The following SORCS2 variants were observed in gnomAD, a reference collection of about 807,000 sequenced individuals.
The protein encoded by SORCS2 is sortilin related VPS10 domain containing receptor 2.
In SORCS2, 100 loss-of-function variants were observed where a neutral mutation model predicts 141.6. The observed-to-expected ratio is 0.71, with a 90% CI of 0.60 to 0.83. The LOEUF (loss-of-function observed/expected upper bound fraction) is 0.83. SORCS2 is among the 40% of genes least tolerant of loss of function. The pLI is 0.00. For synonymous variants in SORCS2, 789 were observed against 676.9 expected (o/e 1.17, Z -2.57); for missense variants, 1,646 against 1,560.2 (o/e 1.05, Z -0.93).
At chr4:7,644,823 T>C (rs1233852702) in intron 4 of SORCS2, among the ~76,000 whole-genome samples, 1 of 152,252 alleles carries the variant, frequency 6.6e-6, no homozygotes, top group African/African-American at 2.4e-5. Flanking sequence ...TTCTGAGATG[T>C]TGAGTGATGA....
At chr4:7,337,708 T>C (rs28700939) in intron 1 of SORCS2, among the ~76,000 whole-genome samples, 113,932 of 152,142 alleles carry the variant, frequency 0.75, 43,712 homozygotes, top group African/African-American at 0.92. Flanking sequence ...CAGAGTCTAA[T>C]GGAAGACAAG....
At chr4:7,322,476 A>G (rs1718959743) in intron 1 of SORCS2, among the ~76,000 whole-genome samples, 1 of 152,186 alleles carries the variant, frequency 6.6e-6, no homozygotes, top group Non-Finnish European at 1.5e-5. Flanking sequence ...CGGGAAGGCC[A>G]GAGTTGGCCT....
At chr4:7,601,060 A>G (rs1439997795) in intron 3 of SORCS2, among the ~76,000 whole-genome samples, 2 of 152,074 alleles carry the variant, frequency 1.3e-5, no homozygotes, top group Non-Finnish European at 2.9e-5. Context: ...TAATTTTTGT[A>G]TTTTTAGCAG....
At chr4:7,373,476 A>ATTT (rs1422390326) in intron 1 of SORCS2, among the ~76,000 whole-genome samples, 82 of 44,560 alleles carry the variant, frequency 1.8e-3, no homozygotes, top group Middle Eastern at 0.019. Context: ...ATATATATAT[A>ATTT]TATTTTTTTT....
intron 1 of SORCS2, among the ~76,000 whole-genome samples, chr4:7,241,856 G>A (rs958448637): frequency 1.6e-4 from 24 of 152,320 alleles, no homozygotes; most frequent in African/African-American, 5.5e-4. Flanking sequence ...TGGCCTTGCT[G>A]GGCGCTGGGA....
chr4:7,420,784 C>G (rs151306496), intron 2 of SORCS2, among the ~76,000 whole-genome samples: 39 of 152,332 alleles, frequency 2.6e-4, no homozygotes, highest in Middle Eastern at 3.4e-3. Context: ...TAGACCTTAT[C>G]CACCATGCCC....
Position 7,544,077 on chromosome 4 carries a change from C to T in SORCS2, c.648+12448C>T, listed in dbSNP as rs191783701. ...CCACCCACCCATCCATCCACCCATC[C>T]ATCCATCCATCCACCCATGCATGCA... On this transcript the variant is annotated intron_variant, in intron 3 of 26. Coordinates refer to ENST00000507866, the MANE Select transcript of SORCS2 (RefSeq NM_020777.3). 5.3e-3 allele frequency among the ~76,000 whole-genome samples: 804 copies of T among 150,878 alleles called. 8 individuals carry two copies. The highest frequency in any genetic ancestry group is 0.038 in the Middle Eastern group (11 of 286).
intron 3 of SORCS2, among the ~76,000 whole-genome samples, chr4:7,636,604 G>A (rs545372061): frequency 1.8e-4 from 27 of 151,952 alleles, no homozygotes; most frequent in Non-Finnish European, 2.9e-4. Context: ...GTAGAGATGC[G>A]ATGTCCCGAA....
intron 2 of SORCS2, among the ~76,000 whole-genome samples, chr4:7,462,550 C>G (rs987005942): frequency 6.6e-6 from 1 of 152,064 alleles, no homozygotes; most frequent in Admixed American, 6.6e-5. Context: ...TTCCTCCCCT[C>G]CTGGTGCACC....
At chr4:7,373,049 A>T in intron 1 of SORCS2, among the ~76,000 whole-genome samples, 1 of 144,166 alleles carries the variant, frequency 6.9e-6, no homozygotes, top group African/African-American at 2.6e-5. Flanking sequence ...AGTGCTCTGA[A>T]TGTTTGTGTG....
rs376507107 is a variant in SORCS2 at position 7,667,219 on chromosome 4, G to A, written c.1161+6G>A. 1 of 1,613,286 alleles carries A rather than the reference G, an allele frequency of 6.2e-7. No individual in the cohort carries two copies. Among genetic ancestry groups the A allele is most frequent in the Admixed American group, 1.7e-5 (1 of 60,020 alleles). On this transcript the variant is annotated splice_donor_region_variant and intron_variant, in intron 8 of 26. Coordinates refer to ENST00000507866, the MANE Select transcript of SORCS2 (RefSeq NM_020777.3). ...CGAAGTATGCATTGCCAAAGGTAAG[G>A]TGCTCCCCATTCCGCCTGGTCCTGT...
At chr4:7,602,018 A>G (rs1411373876) in intron 3 of SORCS2, among the ~76,000 whole-genome samples, 1 of 152,230 alleles carries the variant, frequency 6.6e-6, no homozygotes, top group Non-Finnish European at 1.5e-5. Flanking sequence ...ATCCCAAGGC[A>G]GAAGAATTTT....
chr4:7,598,899 G>C (rs1577815919), intron 3 of SORCS2, among the ~76,000 whole-genome samples: 1 of 152,182 alleles, frequency 6.6e-6, no homozygotes. Flanking sequence ...GCCGCAGCAC[G>C]AGGAGCCCTG....
intron 2 of SORCS2, among the ~76,000 whole-genome samples, chr4:7,527,158 A>C (rs192828224): frequency 6.6e-6 from 1 of 152,158 alleles, no homozygotes; most frequent in Admixed American, 6.5e-5. Flanking sequence ...TCACGTGGGG[A>C]CACTGCTCCC....
chr4:7,312,982 C>A (rs971829015), intron 1 of SORCS2, among the ~76,000 whole-genome samples: 12 of 152,242 alleles, frequency 7.9e-5, no homozygotes, highest in Non-Finnish European at 1.8e-4. Flanking sequence ...ACCTGCTGAT[C>A]TTCCAAGGCC....
intron 2 of SORCS2, among the ~76,000 whole-genome samples, chr4:7,471,091 G>T (rs1560311935): frequency 6.6e-6 from 1 of 152,190 alleles, no homozygotes; most frequent in African/African-American, 2.4e-5. Flanking sequence ...AACAGCTAGG[G>T]AAAGGCAAGG....
At chr4:7,342,571 G>A (rs982421079) in intron 1 of SORCS2, among the ~76,000 whole-genome samples, 7 of 152,116 alleles carry the variant, frequency 4.6e-5, no homozygotes, top group African/African-American at 1.4e-4. Context: ...GAGGTGCGGC[G>A]TGAAAGGGAG....
chr4:7,284,666 A>G (rs956842929), intron 1 of SORCS2, among the ~76,000 whole-genome samples: 1 of 152,152 alleles, frequency 6.6e-6, no homozygotes, highest in Non-Finnish European at 1.5e-5. Flanking sequence ...CATGCCTTGG[A>G]GCTCATACAG....
At chr4:7,457,149 C>T (rs964932109) in intron 2 of SORCS2, among the ~76,000 whole-genome samples, 1 of 152,332 alleles carries the variant, frequency 6.6e-6, no homozygotes, top group South Asian at 2.1e-4. Context: ...GAACAGCACA[C>T]GACAGCCCCC....
Sources: gnomAD v4.1 joint callset for allele counts (sites outside exome capture counted in the v4.1 genomes callset) on GRCh38, gnomAD v4.1.1 for gene constraint, MANE v1.5 for transcripts, NCBI Gene and HGNC (gene_info 2026-07-23, HGNC 2026-07-21) for gene names.